PMM2: variants seen among roughly 807,000 people sequenced by gnomAD.
The protein encoded by PMM2 is phosphomannomutase 2, also known as mannose-6-phosphate isomerase.
A neutral mutation model predicts 33.2 loss-of-function variants in PMM2; 35 were observed. The ratio of observed to expected loss-of-function variants is 1.06; its 90% CI spans 0.81 to 1.40. The LOEUF is 1.40. Among genes scored for constraint, PMM2 ranks in the 40% most tolerant of loss-of-function variants. PMM2 has a pLI of 0.00. For synonymous variants in PMM2, 153 were observed against 114.7 expected, an observed-to-expected ratio of 1.33 and a Z score of -2.13; for missense variants, 386 against 306.0, an observed-to-expected ratio of 1.26 and a Z score of -1.95.
chr16:8,846,077 A>G (rs377237261), intron 7 of PMM2, among the ~76,000 whole-genome samples: 2 of 152,340 alleles, frequency 1.3e-5, no homozygotes, highest in African/African-American at 4.8e-5. Context: ...CAAGGCCCTG[A>G]CAGGTTCCCA....
chr16:8,816,534 A>G (rs113917947), intron 7 of PMM2, among the ~76,000 whole-genome samples: 5,256 of 151,234 alleles, frequency 0.035, 287 homozygotes, highest in African/African-American at 0.12. Context: ...TGAGGTCAGG[A>G]GTTCCGAGAC....
rs774107741 is a variant in PMM2, at chr16:8,811,716, A to G, written c.523+3A>G. ...AAAAGGCCTCACGTTTTCCATAGGT[A>G]TTGTATATATTGCCTGTGTTCCAAA... On this transcript the variant is annotated splice_donor_region_variant and intron_variant, in intron 6 of 7. Coordinates refer to ENST00000268261, the MANE Select transcript of PMM2 (RefSeq NM_000303.3). 3.8e-6 allele frequency: 6 copies of G among 1,589,350 alleles called. No individual in the cohort carries two copies. The highest frequency in any genetic ancestry group is 1.7e-5 in the Admixed American group (1 of 59,974).
chr16:8,846,695 G>A (rs146903418), intron 7 of PMM2, among the ~76,000 whole-genome samples: 1 of 152,234 alleles, frequency 6.6e-6, no homozygotes, highest in East Asian at 1.9e-4. Flanking sequence ...ATCATCTCCT[G>A]AACTTCTGGC....
At chr16:8,832,402 G>T in intron 7 of PMM2, 4 of 985,428 alleles carry the variant, frequency 4.1e-6, no homozygotes, top group Non-Finnish European at 4.8e-6. Flanking sequence ...TTTATTAAGT[G>T]TCAGCGAGTT....
chr16:8,835,392 A>G (rs1028990869), intron 7 of PMM2, among the ~76,000 whole-genome samples: 31 of 152,108 alleles, frequency 2.0e-4, no homozygotes, highest in African/African-American at 6.7e-4. Flanking sequence ...CTGTCTGTGA[A>G]GCCTTGTGGC....
intron 7 of PMM2, among the ~76,000 whole-genome samples, chr16:8,827,695 C>T (rs1264562793): frequency 8.1e-6 from 1 of 123,136 alleles, no homozygotes; most frequent in Admixed American, 9.5e-5. Flanking sequence ...TGCACCCAGC[C>T]CACAAAGGCC....
At chr16:8,810,699 C>A in intron 4 of PMM2, 2 of 335,228 alleles carry the variant, frequency 6.0e-6, no homozygotes, top group South Asian at 4.9e-5. Flanking sequence ...GCCTCAACCT[C>A]CTGAGTAGCT....
rs60052078 is a variant in PMM2, at chr16:8,827,719, CATATATATATATATAT to C, written c.639+14640_639+14655del. On this transcript the variant is annotated intron_variant, in intron 7 of 7. Transcript: ENST00000268261. ...CCCACAAAGGCCTTTTAAATGTGTGCATATATATATATATATATATATATATATATATATATATATA... is the reference window on the plus strand; with the variant it reads ...CCCACAAAGGCCTTTTAAATGTGTGCATATATATATATATATATATATATA... Among the ~76,000 whole-genome samples, 553 of 66,868 alleles carry C rather than the reference CATATATATATATATAT, an allele frequency of 8.3e-3. 16 individuals are homozygous for C. Among genetic ancestry groups the C allele is most frequent in the East Asian group, 0.05 (112 of 2,258 alleles). The allele number at this position is 66,868 out of a possible 152,430, so 43.9% of individuals were successfully genotyped here.
Position 8,847,862 on chromosome 16 carries a change from C to T in PMM2, c.*37C>T. On this transcript the variant is annotated 3_prime_UTR_variant, in exon 8 of 8. Transcript: ENST00000268261. Reference sequence around the variant, plus strand: ...GAGGGGCGGGGTCCCGGCTGACAAGCCAGCATAGGGCATTCGGTGGCCAGA... The same window carrying T: ...GAGGGGCGGGGTCCCGGCTGACAAGTCAGCATAGGGCATTCGGTGGCCAGA... 2.7e-6 allele frequency: 4 copies of T among 1,501,108 alleles called. No individual in the cohort carries two copies. Among genetic ancestry groups the T allele is most frequent in the Non-Finnish European group, 3.7e-6 (4 of 1,081,346 alleles). 93.0% of individuals were successfully genotyped at this position (1,501,108 alleles called of 1,614,324 possible).
chr16:8,819,661 C>A (rs182343201), intron 7 of PMM2, among the ~76,000 whole-genome samples: 1 of 150,574 alleles, frequency 6.6e-6, no homozygotes, highest in African/African-American at 2.4e-5. Context: ...CGCCACTGCA[C>A]TCCAGCCTAG....
chr16:8,847,913 AC>A lies in PMM2; in HGVS notation c.*91del. 1.0e-6 allele frequency: 1 copy of A among 957,214 alleles called. No individual in the cohort carries two copies. The highest frequency in any genetic ancestry group is 1.6e-6 in the Non-Finnish European group (1 of 606,212). 59.3% of individuals were successfully genotyped at this position (957,214 alleles called of 1,614,324 possible). On this transcript the variant is annotated 3_prime_UTR_variant, in exon 8 of 8. Coordinates refer to ENST00000268261, the MANE Select transcript of PMM2 (RefSeq NM_000303.3). ...GCCGAGGGTCCTCCCACACGTGCTC[AC>A]CCACCCGCAGCCTAGGCAGGCTCTG...
At chr16:8,825,556 C>G (rs373036344) in intron 7 of PMM2, among the ~76,000 whole-genome samples, 12 of 151,578 alleles carry the variant, frequency 7.9e-5, no homozygotes, top group Admixed American at 7.9e-4. Flanking sequence ...CCTGACCCCA[C>G]GTGATCGCCC....
At chr16:8,845,455 A>C (rs1294230682) in intron 7 of PMM2, among the ~76,000 whole-genome samples, 1 of 152,122 alleles carries the variant, frequency 6.6e-6, no homozygotes, top group African/African-American at 2.4e-5. Context: ...CAGAGGCCTG[A>C]CAGTAGGTGT....
intron 2 of PMM2, among the ~76,000 whole-genome samples, chr16:8,803,440 G>T (rs1490986877): frequency 6.6e-6 from 1 of 152,162 alleles, no homozygotes; most frequent in African/African-American, 2.4e-5. Context: ...GTCTGCACCT[G>T]TCAGAGACAT....
chr16:8,815,218 C>CT (rs59339190), intron 7 of PMM2, among the ~76,000 whole-genome samples: 33,230 of 138,420 alleles, frequency 0.24, 4,212 homozygotes, highest in South Asian at 0.33. Context: ...TATTTTCTTT[C>CT]TTTTTTTTTT....
At chr16:8,837,701 G>A (rs1006057161) in intron 7 of PMM2, among the ~76,000 whole-genome samples, 3 of 151,978 alleles carry the variant, frequency 2.0e-5, no homozygotes, top group Non-Finnish European at 2.9e-5. Context: ...GTAGAGACAC[G>A]GAGAGAAGGG....
rs1209449535 is a variant in PMM2 at position 8,830,692 on chromosome 16, TG to T, written c.640-17028del. Among the ~76,000 whole-genome samples, 3 of 152,222 alleles carry T rather than the reference TG, an allele frequency of 2.0e-5. No individual in the cohort carries two copies. In the South Asian group the frequency reaches 6.2e-4, roughly 32 times the overall value. On this transcript the variant is annotated intron_variant, in intron 7 of 7. Transcript: ENST00000268261. ...AGCGATGTTATTCTCAGGAGCAATG[TG>T]GGGAGGTTCAGACTCTTGCAGCCAG... is the stretch of plus-strand genomic sequence containing the variant.
At chr16:8,838,565 G>C (rs1035754750) in intron 7 of PMM2, among the ~76,000 whole-genome samples, 3 of 151,982 alleles carry the variant, frequency 2.0e-5, no homozygotes, top group African/African-American at 7.2e-5. Flanking sequence ...AGATTAAGCT[G>C]AAGGGAGGTC....
intron 7 of PMM2, among the ~76,000 whole-genome samples, chr16:8,826,272 C>A (rs1038031326): frequency 2.6e-5 from 4 of 152,186 alleles, no homozygotes; most frequent in Non-Finnish European, 5.9e-5. Context: ...TTTAAACTCT[C>A]TAAATTAGAG....
Sources: gnomAD v4.1 joint callset for allele counts (sites outside exome capture counted in the v4.1 genomes callset) on GRCh38, gnomAD v4.1.1 for gene constraint, MANE v1.5 for transcripts, NCBI Gene and HGNC (gene_info 2026-07-23, HGNC 2026-07-21) for gene names.